The following MYO15A variants were observed in gnomAD, a reference collection of about 807,000 sequenced individuals.
The protein encoded by MYO15A is myosin XVA, also known as unconventional myosin-XV.
A neutral mutation model predicts 394.6 loss-of-function variants in MYO15A; 308 were observed. That is an observed-to-expected ratio of 0.78 (90% confidence interval 0.71 to 0.86). The LOEUF (loss-of-function observed/expected upper bound fraction) is 0.86, where lower values mean the gene tolerates loss of function less well. Ranked by LOEUF, MYO15A falls within the 40% of genes least tolerant of loss-of-function variation. The probability of loss-of-function intolerance (pLI) is 0.00; values close to 1 mark genes in which losing one functional copy is unlikely to be tolerated. For missense variants in MYO15A, 4,606 were observed against 4,799.1 expected, an observed-to-expected ratio of 0.96 and a Z score of 1.19; for synonymous variants, 1,957 against 2,003.8, an observed-to-expected ratio of 0.98 and a Z score of 0.62.
At chr17:18,162,441 T>C in intron 57 of MYO15A, 144 bp from the exon 58 acceptor site, 2 of 741,892 alleles carry the variant, frequency 2.7e-6, no homozygotes, top group East Asian at 5.4e-5. Context: ...CTGAACTGTT[T>C]CCTCAACTGT....
chr17:18,154,895 C>A, intron 45 of MYO15A, 140 bp downstream of exon 45: 1 of 1,072,712 alleles, frequency 9.3e-7, no homozygotes, highest in Non-Finnish European at 1.4e-6. Flanking sequence ...CTTCTCTGGC[C>A]TCTCGCATGG....
intron 48 of MYO15A, among the ~76,000 whole-genome samples, chr17:18,156,752 G>A (rs984844065): frequency 6.6e-6 from 1 of 152,234 alleles, no homozygotes; most frequent in Non-Finnish European, 1.5e-5. Flanking sequence ...GAAGGCCTAT[G>A]TGTGTGCCCT....
At position 18,118,699 on chromosome 17, in the gene MYO15A, C is replaced by T; in HGVS notation, c.-102C>T. ...GGGTCTGCTCACAGCCCGAGGAGGC[C>T]GCGTGTCCAGCCGCGGGCAAGAGAC... is the stretch of plus-strand genomic sequence containing the variant. On this transcript the variant is annotated 5_prime_UTR_variant, in exon 2 of 66. Coordinates refer to ENST00000647165, the MANE Select transcript of MYO15A (RefSeq NM_016239.4). The T allele has an allele frequency of 2.5e-6, 4 of 1,572,976 alleles. No individual in the cohort carries two copies. In the South Asian group the frequency reaches 3.5e-5, roughly 14 times the overall value.
chr17:18,165,910 G>GTC lies in MYO15A; in HGVS notation c.9788-446_9788-445dup, dbSNP rs2142411381. ...ACCTATGCCAGGTACCTGGCAAGGG[G>GTC]TCTCTCCTGAAGGAGGTCTGCAGAA... On this transcript the variant is annotated intron_variant, in intron 60 of 65. Coordinates refer to ENST00000647165, the MANE Select transcript of MYO15A (RefSeq NM_016239.4). Among the ~76,000 whole-genome samples, 3 of 152,320 alleles carry GTC rather than the reference G, an allele frequency of 2.0e-5. 1 individual carries two copies. In the South Asian group the frequency reaches 6.2e-4, roughly 32 times the overall value.
At chr17:18,131,681 C>T (rs2046170126) in intron 10 of MYO15A, 150 bp downstream of exon 10, 2 of 941,588 alleles carry the variant, frequency 2.1e-6, no homozygotes, top group South Asian at 2.9e-5. Flanking sequence ...CAGGACCTCC[C>T]CTCCCCGACC....
chr17:18,159,564 T>C, intron 54 of MYO15A, 42 bp from the exon 55 acceptor site: 1 of 1,605,584 alleles, frequency 6.2e-7, no homozygotes, highest in East Asian at 2.2e-5. Flanking sequence ...GGTGGGCAAC[T>C]GGGGGTTTGG....
chr17:18,154,991 A>G, intron 45 of MYO15A, 119 bp from the exon 46 acceptor site: 1 of 1,060,788 alleles, frequency 9.4e-7, no homozygotes, highest in Non-Finnish European at 1.4e-6. Context: ...GTTTTCTAGT[A>G]TAGACACTGG....
At chr17:18,130,752 C>G in intron 7 of MYO15A, 53 bp from the exon 8 acceptor site, 9 of 1,611,178 alleles carry the variant, frequency 5.6e-6, no homozygotes, top group Non-Finnish European at 7.6e-6. Flanking sequence ...CTGCTAGTGA[C>G]TCCATTCTGT....
intron 22 of MYO15A, 105 bp from the exon 23 acceptor site, chr17:18,141,547 TG>T: frequency 1.9e-6 from 2 of 1,080,464 alleles, no homozygotes; most frequent in Non-Finnish European, 2.9e-6. Context: ...GAGCCACCAC[TG>T]GGACCAGGCT....
chr17:18,158,911 A>G lies in MYO15A; in HGVS notation c.9084-14A>G. On this transcript the variant is annotated splice_polypyrimidine_tract_variant and intron_variant, in intron 52 of 65. Coordinates refer to ENST00000647165, the MANE Select transcript of MYO15A (RefSeq NM_016239.4). ...TGGGCAGGACAGGTCAGTAGCACCC[A>G]CCTCCCACTGCAGGGATGGCCTCAG... is the stretch of plus-strand genomic sequence containing the variant. 1 of 1,613,390 alleles carries G rather than the reference A, an allele frequency of 6.2e-7. No individual in the cohort carries two copies. The highest frequency in any genetic ancestry group is 8.5e-7 in the Non-Finnish European group (1 of 1,179,730).
Position 18,167,741 on chromosome 17 carries a change from T to A in MYO15A, c.10082+18T>A, listed in dbSNP as rs752662000. On this transcript the variant is annotated intron_variant, in intron 62 of 65. Transcript: ENST00000647165. ...CCGAGCGTGTGAGCATCTGCCCTCC[T>A]GCCTCAGCTGGGGTGGACAGGCAAC... The A allele has an allele frequency of 6.2e-7, 1 of 1,601,692 alleles. No individual in the cohort carries two copies. Among genetic ancestry groups the A allele is most frequent in the Admixed American group, 1.7e-5 (1 of 60,016 alleles).
At chr17:18,115,637 C>T (rs2045774786) in intron 1 of MYO15A, among the ~76,000 whole-genome samples, 1 of 152,102 alleles carries the variant, frequency 6.6e-6, no homozygotes, top group Admixed American at 6.5e-5. Flanking sequence ...AGACTGAGGT[C>T]GAATTCCATC....
Position 18,132,428 on chromosome 17 carries a change from C to G in MYO15A, c.4207-25C>G. 1 of 1,598,866 alleles carries G rather than the reference C, an allele frequency of 6.3e-7. No homozygotes were observed. The highest frequency in any genetic ancestry group is 8.6e-7 in the Non-Finnish European group (1 of 1,166,726). On this transcript the variant is annotated intron_variant, in intron 10 of 65. Transcript: ENST00000647165. The surrounding 1 kb of genome is among the most constrained non-coding windows in gnomAD (Gnocchi z 4.6). ...TCACCTAGGTAGGTGGCTCCCTTCT[C>G]TGTGCCCACCTACCCACTCTACAGG...
In MYO15A at chr17:18,158,003, A is replaced by G. The variant is rs979429054; in HGVS notation, c.8967+103A>G. 9.2e-6 allele frequency: 13 copies of G among 1,407,674 alleles called. 2 individuals carry two copies. Among genetic ancestry groups the G allele is most frequent in the African/African-American group, 2.9e-5 (2 of 69,014 alleles). 87.2% of individuals were successfully genotyped at this position (1,407,674 alleles called of 1,614,324 possible). Reference sequence around the variant, plus strand: ...GATAAGGTGGGCCAAGGGCCTGGCCAGGCTCTTGGGGCGTGGCTGATCTTG... The same window carrying G: ...GATAAGGTGGGCCAAGGGCCTGGCCGGGCTCTTGGGGCGTGGCTGATCTTG... On this transcript the variant is annotated intron_variant, in intron 51 of 65. Coordinates refer to ENST00000647165, the MANE Select transcript of MYO15A (RefSeq NM_016239.4).
rs538819794 is a variant in MYO15A at position 18,119,986 on chromosome 17, G to A, written c.1186G>A (p.Glu396Lys). 1.9e-6 allele frequency: 3 copies of A among 1,613,646 alleles called. No individual in the cohort carries two copies. The highest frequency in any genetic ancestry group is 2.2e-5 in the East Asian group (1 of 44,868). Residue 396 changes from glutamate to lysine, a missense_variant, in exon 2 of 66, where the codon GAG becomes AAG. Transcript: ENST00000647165. ...TGGGGACGAGGCCATCTACCCCCCC[G>A]AGGTGCCCTATTTTTACCCGGAGGA... ...GGGDEAIYPP[E>K]VPYFYPEESA...
Position 18,160,315 on chromosome 17 carries a change from A to T in MYO15A, c.9386+298A>T, listed in dbSNP as rs568994582. ...GGTTTAGCCAAAAGGGAACTTGTTGATTCAGAGAAGTGAAAAGTCAGTGAG... is the reference window on the plus strand; with the variant it reads ...GGTTTAGCCAAAAGGGAACTTGTTGTTTCAGAGAAGTGAAAAGTCAGTGAG... On this transcript the variant is annotated intron_variant, in intron 56 of 65. Transcript: ENST00000647165. Among the ~76,000 whole-genome samples, 82 of 152,368 alleles carry T rather than the reference A, an allele frequency of 5.4e-4. 1 individual carries two copies. The highest frequency in any genetic ancestry group is 1.5e-4 in the Non-Finnish European group (10 of 68,038).
chr17:18,138,329 C>A, intron 17 of MYO15A, 83 bp downstream of exon 17: 1 of 1,516,440 alleles, frequency 6.6e-7, no homozygotes. Flanking sequence ...CTCCTTCATT[C>A]CTCTCTGCTC....
At chr17:18,144,411 T>C (rs1445559767) in intron 28 of MYO15A, 86 bp from the exon 29 acceptor site, 4 of 1,253,048 alleles carry the variant, frequency 3.2e-6, no homozygotes, top group Non-Finnish European at 4.6e-6. Flanking sequence ...TCATAGGCCT[T>C]GGAGCCCCAT....
Position 18,119,013 on chromosome 17 carries a change from G to C in MYO15A, c.213G>C (p.Lys71Asn). ...WGLHTGPQKT[K>N]RKRKARTVLK... The stretch of plus-strand genomic sequence containing the variant: ...TCCACACCGGCCCCCAGAAGACCAA[G>C]CGCAAGAGGAAGGCCCGCACCGTGC... The change falls in exon 2 of 66, where the codon AAG (lysine) becomes AAC (asparagine). Residue 71 changes from lysine to asparagine, a missense_variant. Physicochemically the swap from Lys to Asn is moderately conservative, Grantham distance 94. This residue lies in a region of MYO15A where 1,830 missense variants were observed against 1,689.7 expected (regional missense o/e 1.08). Coordinates refer to ENST00000647165, the MANE Select transcript of MYO15A (RefSeq NM_016239.4). 1 of 1,612,730 alleles carries C rather than the reference G, an allele frequency of 6.2e-7. No individual in the cohort carries two copies. Among genetic ancestry groups the C allele is most frequent in the South Asian group, 1.1e-5 (1 of 91,042 alleles).
Sources: gnomAD v4.1 joint callset for allele counts (sites outside exome capture counted in the v4.1 genomes callset) on GRCh38, gnomAD v4.1.1 for gene constraint, gnomAD v4.1.1 regional missense constraint, Gnocchi (gnomAD v3.1) non-coding constraint, MANE v1.5 for transcripts, NCBI Gene and HGNC (gene_info 2026-07-23, HGNC 2026-07-21) for gene names.